Variants in FGL2 observed in about 807,000 individuals in gnomAD.
The protein encoded by FGL2 is fibroleukin.
A neutral mutation model predicts 36.0 loss-of-function variants in FGL2; 21 were observed. That is an observed-to-expected ratio of 0.58 (90% CI 0.41 to 0.84). The LOEUF (loss-of-function observed/expected upper bound fraction) is 0.84. Among genes scored for constraint, FGL2 ranks in the 40% least tolerant of loss-of-function variants. FGL2 has a pLI of 0.00. For missense variants in FGL2, 444 were observed against 526.3 expected (o/e 0.84, Z 1.53); for synonymous variants, 183 against 190.7 (o/e 0.96, Z 0.33).
intron 1 of FGL2, among the ~76,000 whole-genome samples, chr7:77,197,607 C>T (rs1009518854): frequency 2.6e-5 from 4 of 152,216 alleles, no homozygotes; most frequent in African/African-American, 9.7e-5. Context: ...CCTAAAGGGG[C>T]TGATAGCCTC....
rs1341698795 is a variant in FGL2, at chr7:77,196,197, T to C, written c.*82A>G. ...CATCATTTTTTAGCTATGAAAAATA[T>C]GAAACAAGGCATATTCTAAAGTGCT... On this transcript the variant is annotated 3_prime_UTR_variant, in exon 2 of 2. Coordinates refer to ENST00000248598, the MANE Select transcript of FGL2 (RefSeq NM_006682.3). The surrounding 1 kb of genome is among the most constrained non-coding windows in gnomAD (Gnocchi z 4.2). The C allele has an allele frequency of 1.5e-5, 15 of 991,022 alleles. No homozygotes were observed. Among genetic ancestry groups the C allele is most frequent in the East Asian group, 2.5e-5 (1 of 40,032 alleles). The allele number at this position is 991,022 out of a possible 1,614,324, so 61.4% of individuals were successfully genotyped here. A position where few individuals can be genotyped will look rare whatever the true frequency, so the allele number is the denominator to read the frequency against.
chr7:77,199,279 TA>T lies in FGL2; in HGVS notation c.514del (p.Tyr172MetfsTer9). ...NLVNMNNIENYVDSKVANLTF... is the reference protein window; with the variant it reads ...NLVNMNNIENXVDSKVANLTF... Reference sequence around the variant, plus strand: ...TAGATTTGCCACTTTGCTGTCAACATAATTTTCTATGTTGTTCATATTTACA... The same window carrying T: ...TAGATTTGCCACTTTGCTGTCAACATATTTTCTATGTTGTTCATATTTACA... On this transcript the variant is annotated frameshift_variant, in exon 1 of 2. Transcript: ENST00000248598. LOFTEE classifies it high-confidence loss of function. 1 of 1,614,150 alleles carries T rather than the reference TA, an allele frequency of 6.2e-7. No homozygotes were observed. The highest frequency in any genetic ancestry group is 1.6e-4 in the Middle Eastern group (1 of 6,062).
In FGL2 at chr7:77,193,962, C is replaced by A. The variant is rs1791819576; in HGVS notation, c.*2317G>T. The A allele has an allele frequency of 6.6e-6, 1 of 152,426 alleles. No individual in the cohort carries two copies. 9.4% of individuals were successfully genotyped at this position (152,426 alleles called of 1,614,324 possible). On this transcript the variant is annotated 3_prime_UTR_variant, in exon 2 of 2. Coordinates refer to ENST00000248598, the MANE Select transcript of FGL2 (RefSeq NM_006682.3). ...TCAACATGTTAAATGTTATAAAAGT[C>A]TAGAATTATTGGTAACATGAAATGA...
intron 1 of FGL2, among the ~76,000 whole-genome samples, chr7:77,197,852 A>G (rs974229315): frequency 3.3e-5 from 5 of 152,212 alleles, no homozygotes; most frequent in African/African-American, 4.8e-5. Context: ...ACAGGTGACT[A>G]TATTGAGGAT....
At chr7:77,198,127 CGGTGAA>C in intron 1 of FGL2, 1 of 985,130 alleles carries the variant, frequency 1.0e-6, no homozygotes, top group Non-Finnish European at 1.2e-6. Context: ...GTCACCTAAG[CGGTGAA>C]CCTTGGATTC....
rs1791941389 is a variant in FGL2 at position 77,199,456 on chromosome 7, C to G, written c.338G>C (p.Gly113Ala). The change falls in exon 1 of 2, where the codon GGA becomes GCA. Residue 113 changes from glycine to alanine, a missense_variant. Transcript: ENST00000248598. ...GGCTCCTGTACTGGGTAACAACAGT[C>G]CGTTTCTGCCTGGGTCTCCGTTGTC... is the stretch of plus-strand genomic sequence containing the variant. The part of the protein sequence containing the change: ...ADDNGDPGRN[G>A]LLLPSTGAPG... 1 of 1,614,024 alleles carries G rather than the reference C, an allele frequency of 6.2e-7. No individual in the cohort carries two copies. Among genetic ancestry groups the G allele is most frequent in the Admixed American group, 1.7e-5 (1 of 59,990 alleles).
At chr7:77,198,837 T>C in intron 1 of FGL2, 1 of 317,692 alleles carries the variant, frequency 3.1e-6, no homozygotes, top group Non-Finnish European at 5.7e-6. Context: ...AACATCGCCT[T>C]ATCTTTATTG....
chr7:77,196,901 G>C lies in FGL2; in HGVS notation c.698C>G (p.Pro233Arg). 1.2e-6 allele frequency: 2 copies of C among 1,613,770 alleles called. No individual in the cohort carries two copies. Among genetic ancestry groups the C allele is most frequent in the Non-Finnish European group, 1.7e-6 (2 of 1,179,918 alleles). ...GTAAACTTCAAAGCTACTATTTTTG[G>C]GATCAGGTGTAACTCTGTAGGTCTC... ...SSETYRVTPD[P>R]KNSSFEVYCD... The change falls in exon 2 of 2, where the codon CCC becomes CGC. Residue 233 changes from proline to arginine, a missense_variant. Pro to Arg is a moderately radical substitution (Grantham distance 103, BLOSUM62 -2). Transcript: ENST00000248598. The surrounding 1 kb of genome is among the most constrained non-coding windows in gnomAD (Gnocchi z 4.2).
rs1337348476 is a variant in FGL2, at chr7:77,196,225, A to C, written c.*54T>G. The C allele has an allele frequency of 3.8e-6, 5 of 1,299,112 alleles. No individual in the cohort carries two copies. Among genetic ancestry groups the C allele is most frequent in the Non-Finnish European group, 5.4e-6 (5 of 927,662 alleles). The allele number at this position is 1,299,112 out of a possible 1,614,324, so 80.5% of individuals were successfully genotyped here. A position where few individuals can be genotyped will look rare whatever the true frequency, so the allele number is the denominator to read the frequency against. ...AACAAGGCATATTCTAAAGTGCTGA[A>C]GGAATTAATTGCCCTATTAGATAAC... On this transcript the variant is annotated 3_prime_UTR_variant, in exon 2 of 2. Coordinates refer to ENST00000248598, the MANE Select transcript of FGL2 (RefSeq NM_006682.3). The surrounding 1 kb of genome is among the most constrained non-coding windows in gnomAD (Gnocchi z 4.2).
In FGL2 at chr7:77,195,257, T is replaced by C. The variant is rs1221856320; in HGVS notation, c.*1022A>G. On this transcript the variant is annotated 3_prime_UTR_variant, in exon 2 of 2. Coordinates refer to ENST00000248598, the MANE Select transcript of FGL2 (RefSeq NM_006682.3). ...GTTCACACAGAGCAGAGGAAGATAA[T>C]TTTCATGTTAAAGCAGTTTTCAACA... 6.9e-6 allele frequency: 1 copy of C among 144,734 alleles called. No individual in the cohort carries two copies. The highest frequency in any genetic ancestry group is 2.6e-5 in the African/African-American group (1 of 39,154). The allele number at this position is 144,734 out of a possible 1,614,324, so 9.0% of individuals were successfully genotyped here. A position where few individuals can be genotyped will look rare whatever the true frequency, so the allele number is the denominator to read the frequency against.
rs536065529 is a variant in FGL2 at position 77,199,812 on chromosome 7, C to A, written c.-19G>T. 3.7e-6 allele frequency: 6 copies of A among 1,606,260 alleles called. No individual in the cohort carries two copies. Among genetic ancestry groups the A allele is most frequent in the African/African-American group, 1.3e-5 (1 of 74,830 alleles). The stretch of plus-strand genomic sequence containing the variant: ...GCTTCATCTTTACAGTGCTGCTCAC[C>A]CCAGCAGGGAGTGCGCAGGGCTGGA... On this transcript the variant is annotated 5_prime_UTR_variant, in exon 1 of 2. Coordinates refer to ENST00000248598, the MANE Select transcript of FGL2 (RefSeq NM_006682.3).
At position 77,196,396 on chromosome 7, in the gene FGL2, G is replaced by T. The variant is rs1395576142; in HGVS notation, c.1203C>A (p.Val401=). 6.2e-7 allele frequency: 1 copy of T among 1,614,088 alleles called. No individual in the cohort carries two copies. The highest frequency in any genetic ancestry group is 1.3e-5 in the African/African-American group (1 of 75,018). The change falls in exon 2 of 2, where the codon GTC becomes GTA. Residue 401 remains valine (V), a synonymous_variant. Coordinates refer to ENST00000248598, the MANE Select transcript of FGL2 (RefSeq NM_006682.3). This position sits in a 1 kb window ranked among gnomAD's most constrained non-coding sequence, Gnocchi z 4.2. The part of the protein sequence containing the change: ...GKYYHQKYRG[V]RNGIFWGTWP... The stretch of plus-strand genomic sequence containing the variant: ...AGGTACCCCAGAAAATCCCATTACG[G>T]ACACCTCTGTATTTTTGGTGATAAT...
At position 77,196,835 on chromosome 7, in the gene FGL2, T is replaced by A; in HGVS notation, c.764A>T (p.Gln255Leu). The change falls in exon 2 of 2, where the codon CAG (glutamine) becomes CTG (leucine). Residue 255 changes from glutamine (Q) to leucine (L), a missense_variant. Physicochemically the swap from Gln to Leu is moderately radical, Grantham distance 113. Coordinates refer to ENST00000248598, the MANE Select transcript of FGL2 (RefSeq NM_006682.3). This position sits in a 1 kb window ranked among gnomAD's most constrained non-coding sequence, Gnocchi z 4.2. ...ETMGGGWTVL[Q>L]ARLDGSTNFT... ...GTTGGTGCTCCCATCGAGACGTGCC[T>A]GCAGCACTGTCCAGCCTCCCCCCAT... The A allele has an allele frequency of 6.2e-7, 1 of 1,613,924 alleles. No homozygotes were observed. The highest frequency in any genetic ancestry group is 8.5e-7 in the Non-Finnish European group (1 of 1,179,970).
Position 77,196,899 on chromosome 7 carries a change from T to G in FGL2, c.700A>C (p.Lys234Gln). The G allele has an allele frequency of 3.1e-6, 5 of 1,614,026 alleles. No homozygotes were observed. The highest frequency in any genetic ancestry group is 1.3e-5 in the African/African-American group (1 of 75,032). ...CAGTAAACTTCAAAGCTACTATTTT[T>G]GGGATCAGGTGTAACTCTGTAGGTC... ...SETYRVTPDP[K>Q]NSSFEVYCDM... The change falls in exon 2 of 2, where the codon AAA becomes CAA. Residue 234 changes from lysine to glutamine, a missense_variant. Transcript: ENST00000248598. This position sits in a 1 kb window ranked among gnomAD's most constrained non-coding sequence, Gnocchi z 4.2.
rs191405808 is a variant in FGL2, at chr7:77,196,162, A to G, written c.*117T>C. 2,563 of 718,288 alleles carry G rather than the reference A, an allele frequency of 3.6e-3. 14 individuals are homozygous for G. Among genetic ancestry groups the G allele is most frequent in the Non-Finnish European group, 4.7e-3 (2,075 of 443,050 alleles). 44.5% of individuals were successfully genotyped at this position (718,288 alleles called of 1,614,324 possible). ...CAAATGCTGTGTAGCATAAGAACCT[A>G]GCCGTCAGACATCATTTTTTAGCTA... On this transcript the variant is annotated 3_prime_UTR_variant, in exon 2 of 2. Coordinates refer to ENST00000248598, the MANE Select transcript of FGL2 (RefSeq NM_006682.3). This position sits in a 1 kb window ranked among gnomAD's most constrained non-coding sequence, Gnocchi z 4.2.
At chr7:77,197,570 G>A (rs765824535) in intron 1 of FGL2, among the ~76,000 whole-genome samples, 1 of 152,192 alleles carries the variant, frequency 6.6e-6, no homozygotes, top group Non-Finnish European at 1.5e-5. Context: ...TGCATACAGA[G>A]GAAGCACAGG....
intron 1 of FGL2, chr7:77,198,124 AAG>A: frequency 1.0e-6 from 1 of 985,164 alleles, no homozygotes; most frequent in Non-Finnish European, 1.2e-6. Context: ...GATGTCACCT[AAG>A]CGGTGAACCT....
In FGL2 at chr7:77,199,518, T is replaced by C. The variant is rs1179108560; in HGVS notation, c.276A>G (p.Leu92=). The change falls in exon 1 of 2, where the codon CTA becomes CTG. Residue 92 remains leucine, a synonymous_variant. Coordinates refer to ENST00000248598, the MANE Select transcript of FGL2 (RefSeq NM_006682.3). Reference sequence around the variant, plus strand: ...GCTTGCAGTCTTGGCAAGATTTCTTTAGACTATTTACGATTTCCTTGAGGT... The same window carrying C: ...GCTTGCAGTCTTGGCAAGATTTCTTCAGACTATTTACGATTTCCTTGAGGT... ...VQNLKEIVNS[L]KKSCQDCKLQ... is the part of the protein sequence containing the mutation. 4.3e-6 allele frequency: 7 copies of C among 1,614,158 alleles called. 1 individual carries two copies. The highest frequency in any genetic ancestry group is 5.9e-6 in the Non-Finnish European group (7 of 1,180,008).
Position 77,196,244 on chromosome 7 carries a change from A to C in FGL2, c.*35T>G. The stretch of plus-strand genomic sequence containing the variant: ...TGCTGAAGGAATTAATTGCCCTATT[A>C]GATAACGAATACCTGGAGGAATGAA... On this transcript the variant is annotated 3_prime_UTR_variant, in exon 2 of 2. Transcript: ENST00000248598. The surrounding 1 kb of genome is among the most constrained non-coding windows in gnomAD (Gnocchi z 4.2). 1 of 1,474,470 alleles carries C rather than the reference A, an allele frequency of 6.8e-7. No individual in the cohort carries two copies. Among genetic ancestry groups the C allele is most frequent in the Non-Finnish European group, 9.3e-7 (1 of 1,070,404 alleles). The allele number at this position is 1,474,470 out of a possible 1,614,324, so 91.3% of individuals were successfully genotyped here.
Sources: allele counts gnomAD v4.1 joint callset (sites outside exome capture counted in the v4.1 genomes callset), GRCh38; gene constraint gnomAD v4.1.1; non-coding constraint Gnocchi (gnomAD v3.1); transcripts MANE v1.5; gene names NCBI Gene and HGNC (gene_info 2026-07-23, HGNC 2026-07-21).